MAP3K1: variants seen among roughly 807,000 people sequenced by gnomAD.
MAP3K1 encodes mitogen-activated protein kinase kinase kinase 1.
MAP3K1 carries 36 observed loss-of-function variants against 144.2 expected under a neutral mutation model. That is an observed-to-expected ratio of 0.25 (90% confidence interval 0.19 to 0.33). The LOEUF (loss-of-function observed/expected upper bound fraction) is 0.33. Among genes scored for constraint, MAP3K1 ranks in the 10% least tolerant of loss-of-function variants. The probability of loss-of-function intolerance (pLI) is 1.00; values close to 1 mark genes in which losing one functional copy is unlikely to be tolerated. For synonymous variants in MAP3K1, 718 were observed against 688.7 expected, an observed-to-expected ratio of 1.04 and a Z score of -0.67; for missense variants, 1,650 against 1,881.9, an observed-to-expected ratio of 0.88 and a Z score of 2.28.
In MAP3K1 at chr5:56,859,703, A is replaced by G. The variant is rs377007217; in HGVS notation, c.634-12A>G. ...TTTTAAGTAATCAAAATATTGGAAT[A>G]CTTTGATTCAGGTGGTAAAACCAAT... On this transcript the variant is annotated splice_polypyrimidine_tract_variant and intron_variant, in intron 2 of 19. Transcript: ENST00000399503. 4 of 1,596,312 alleles carry G rather than the reference A, an allele frequency of 2.5e-6. No individual in the cohort carries two copies. Among genetic ancestry groups the G allele is most frequent in the Non-Finnish European group, 3.4e-6 (4 of 1,164,514 alleles).
chr5:56,895,805 G>A lies in MAP3K1; in HGVS notation c.*2125G>A, dbSNP rs1336202281. ...ATTTGGTACTCAAGTTGTAAATAAC[G>A]TCTACTACTGTTTATTCCAGTTTCT... On this transcript the variant is annotated 3_prime_UTR_variant, in exon 20 of 20. Transcript: ENST00000399503. The A allele has an allele frequency of 1.3e-5, 3 of 230,794 alleles. No individual in the cohort carries two copies. The highest frequency in any genetic ancestry group is 1.7e-5 in the Non-Finnish European group (2 of 116,860). The allele number at this position is 230,794 out of a possible 1,614,324, so 14.3% of individuals were successfully genotyped here. A position where few individuals can be genotyped will look rare whatever the true frequency, so the allele number is the denominator to read the frequency against.
Position 56,865,988 on chromosome 5 carries a change from T to C in MAP3K1, c.1301+11T>C. ...TAGTTCAGAAAACAGGTTAGTACTT[T>C]TTAAGGATTTCAAACATTAATCCAG... On this transcript the variant is annotated intron_variant, in intron 6 of 19. Coordinates refer to ENST00000399503, the MANE Select transcript of MAP3K1 (RefSeq NM_005921.2). The C allele has an allele frequency of 1.3e-6, 2 of 1,591,248 alleles. No individual in the cohort carries two copies. Among genetic ancestry groups the C allele is most frequent in the Non-Finnish European group, 1.7e-6 (2 of 1,159,178 alleles).
chr5:56,820,544 A>G (rs559519428), intron 1 of MAP3K1: 2 of 985,346 alleles, frequency 2.0e-6, no homozygotes, highest in Admixed American at 6.1e-5. Context: ...GGATCACCCT[A>G]TCATGTCAGC....
intron 1 of MAP3K1, among the ~76,000 whole-genome samples, chr5:56,855,424 T>C (rs927006010): frequency 1.3e-5 from 2 of 152,224 alleles, no homozygotes; most frequent in African/African-American, 4.8e-5. Flanking sequence ...CCAAATGTTA[T>C]GTATTCTTTG....
In MAP3K1 at chr5:56,865,347, G is replaced by C; in HGVS notation, c.1043G>C (p.Ser348Thr). 1 of 1,595,708 alleles carries C rather than the reference G, an allele frequency of 6.3e-7. No homozygotes were observed. Among genetic ancestry groups the C allele is most frequent in the Non-Finnish European group, 8.6e-7 (1 of 1,163,368 alleles). Residue 348 changes from serine (S) to threonine (T), a missense_variant, in exon 5 of 20, where the codon AGC becomes ACC. Physicochemically the swap from Ser to Thr is moderately conservative, Grantham distance 58. This residue lies in a region of MAP3K1 where 125 missense variants were observed against 179.9 expected (regional missense o/e 0.69). Coordinates refer to ENST00000399503, the MANE Select transcript of MAP3K1 (RefSeq NM_005921.2). ...TTCTTTTTAACTCTTTAGAACTGCA[G>C]CTGTGCACGTGGAACATTCTGTATT... Reference protein sequence around the residue: ...YRVFIGPQNCSCARGTFCIHL... With the variant: ...YRVFIGPQNCTCARGTFCIHL...
intron 1 of MAP3K1, among the ~76,000 whole-genome samples, chr5:56,833,173 AT>A (rs1302574759): frequency 1.3e-5 from 2 of 152,180 alleles, no homozygotes; most frequent in East Asian, 3.8e-4. Flanking sequence ...CTCTGCCATG[AT>A]TTTTTTGTTT....
intron 19 of MAP3K1, 64 bp downstream of exon 19, chr5:56,888,421 C>T (rs1031824231): frequency 8.8e-6 from 13 of 1,482,356 alleles, no homozygotes; most frequent in Admixed American, 7.0e-5. Flanking sequence ...TGGCAGGAGG[C>T]AAATTTTGAT....
At chr5:56,864,258 A>G (rs1176247955) in intron 3 of MAP3K1, among the ~76,000 whole-genome samples, 3 of 152,214 alleles carry the variant, frequency 2.0e-5, no homozygotes, top group African/African-American at 7.2e-5. Flanking sequence ...AGTTCACCTG[A>G]GATGAGTATG....
At chr5:56,820,857 G>A (rs1746133424) in intron 1 of MAP3K1, 1 of 919,890 alleles carries the variant, frequency 1.1e-6, no homozygotes, top group Non-Finnish European at 1.3e-6. Context: ...ACCGTGTTAA[G>A]TGCTATAAGA....
At chr5:56,882,937 C>A in intron 14 of MAP3K1, 71 bp downstream of exon 14, 1 of 1,249,560 alleles carries the variant, frequency 8.0e-7, no homozygotes, top group Non-Finnish European at 1.1e-6. Flanking sequence ...ACCTGGAATT[C>A]CAGCACTTGG....
intron 4 of MAP3K1, 123 bp from the exon 5 acceptor site, chr5:56,865,217 G>A: frequency 1.5e-6 from 1 of 685,364 alleles, no homozygotes; most frequent in Non-Finnish European, 2.6e-6. Flanking sequence ...CAAAGATAAT[G>A]AAGAATATGA....
chr5:56,871,386 G>C (rs1332971679), intron 6 of MAP3K1, among the ~76,000 whole-genome samples: 1 of 151,950 alleles, frequency 6.6e-6, no homozygotes, highest in African/African-American at 2.4e-5. Context: ...TACATTCCTA[G>C]AAGTCTAGGT....
chr5:56,870,234 A>G (rs572342684), intron 6 of MAP3K1, among the ~76,000 whole-genome samples: 1 of 152,306 alleles, frequency 6.6e-6, no homozygotes, highest in South Asian at 2.1e-4. Context: ...TCTGAAATTT[A>G]TAGATGTTGT....
At position 56,865,391 on chromosome 5, in the gene MAP3K1, C is replaced by T. The variant is rs2111892677; in HGVS notation, c.1087C>T (p.Leu363Phe). 1 of 1,611,558 alleles carries T rather than the reference C, an allele frequency of 6.2e-7. No homozygotes were observed. The highest frequency in any genetic ancestry group is 1.1e-5 in the South Asian group (1 of 91,036). ...CTGTATTCATCTGCTATTTGTGATG[C>T]TCCGGGTGTTTCAACTAGAACCTTC... is the stretch of plus-strand genomic sequence containing the variant. The part of the protein sequence containing the change: ...TFCIHLLFVM[L>F]RVFQLEPSDP... Residue 363 changes from leucine (L) to phenylalanine (F), a missense_variant, in exon 5 of 20, where the codon CTC becomes TTC. By Grantham distance (22) the Leu-to-Phe change is conservative (BLOSUM62 0). Coordinates refer to ENST00000399503, the MANE Select transcript of MAP3K1 (RefSeq NM_005921.2).
chr5:56,850,711 G>GC lies in MAP3K1; in HGVS notation c.483-5887dup, dbSNP rs1747143324. Among the ~76,000 whole-genome samples the GC allele has an allele frequency of 3.3e-5, 5 of 152,148 alleles. No individual in the cohort carries two copies. In the South Asian group the frequency reaches 1.0e-3, roughly 31 times the overall value. On this transcript the variant is annotated intron_variant, in intron 1 of 19. Transcript: ENST00000399503. ...ACTGTGTTACCCTGGGCATAACCCA[G>GC]CCTCCCCAAGCCTCCGATGGAAAAG... is the stretch of plus-strand genomic sequence containing the variant.
chr5:56,844,737 C>CA (rs775837573), intron 1 of MAP3K1, among the ~76,000 whole-genome samples: 21 of 152,196 alleles, frequency 1.4e-4, no homozygotes, highest in Non-Finnish European at 2.6e-4. Context: ...TGGAGGAACA[C>CA]AGACCCTGTT....
intron 11 of MAP3K1, among the ~76,000 whole-genome samples, chr5:56,879,392 G>A (rs779355110): frequency 2.0e-5 from 3 of 152,146 alleles, no homozygotes; most frequent in Non-Finnish European, 2.9e-5. Flanking sequence ...GATAAGAACA[G>A]TAGTTGACAT....
At chr5:56,879,160 A>C (rs1270623287) in intron 11 of MAP3K1, 59 bp downstream of exon 11, 7 of 1,594,360 alleles carry the variant, frequency 4.4e-6, no homozygotes, top group Non-Finnish European at 6.0e-6. Flanking sequence ...CCTCGCAGCA[A>C]GCCTCACACC....
At chr5:56,832,567 A>G (rs950993678) in intron 1 of MAP3K1, among the ~76,000 whole-genome samples, 5 of 152,248 alleles carry the variant, frequency 3.3e-5, no homozygotes, top group Non-Finnish European at 7.3e-5. Flanking sequence ...GCAAGGTGGT[A>G]GCACAGCTAG....
Sources: gnomAD v4.1 joint callset for allele counts (sites outside exome capture counted in the v4.1 genomes callset) on GRCh38, gnomAD v4.1.1 for gene constraint, gnomAD v4.1.1 regional missense constraint, MANE v1.5 for transcripts, NCBI Gene and HGNC (gene_info 2026-07-23, HGNC 2026-07-21) for gene names.